The following PCDH15 variants were observed in gnomAD, a reference collection of about 807,000 sequenced individuals.
PCDH15 encodes the protein protocadherin-15.
In PCDH15, 129 loss-of-function variants were observed where a neutral mutation model predicts 178.5. The observed-to-expected ratio is 0.72, with a 90% CI of 0.63 to 0.84. PCDH15 has a LOEUF of 0.84. Ranked by LOEUF, PCDH15 falls within the 40% of genes least tolerant of loss-of-function variation. The pLI is 0.00. For synonymous variants in PCDH15, 800 were observed against 732.0 expected, an observed-to-expected ratio of 1.09 and a Z score of -1.50; for missense variants, 2,230 against 2,099.9, an observed-to-expected ratio of 1.06 and a Z score of -1.21.
At chr10:54,042,279 A>G (rs146824204) in intron 18 of PCDH15, among the ~76,000 whole-genome samples, 57 of 152,224 alleles carry the variant, frequency 3.7e-4, no homozygotes, top group African/African-American at 7.7e-4. Flanking sequence ...TATGGATTAG[A>G]TCATTTGCCC....
chr10:55,383,028 G>C (rs1448518560), intron 2 of PCDH15, among the ~76,000 whole-genome samples: 2 of 152,104 alleles, frequency 1.3e-5, no homozygotes, highest in Non-Finnish European at 2.9e-5. Flanking sequence ...CTATCCTGTT[G>C]GTACCAGGTT....
Position 54,421,883 on chromosome 10 carries a change from T to C in PCDH15, c.158-42941A>G, listed in dbSNP as rs112355172. Among the ~76,000 whole-genome samples, 10 of 104,170 alleles carry C rather than the reference T, an allele frequency of 9.6e-5. 1 individual carries two copies. The highest frequency in any genetic ancestry group is 4.3e-4 in the East Asian group (2 of 4,606). 68.3% of individuals were successfully genotyped at this position (104,170 alleles called of 152,430 possible). ...TATATACACACACTATATATATATA[T>C]ACACACACACACTATATATATATAT... On this transcript the variant is annotated intron_variant, in intron 3 of 37. Coordinates refer to ENST00000644397, the MANE Select transcript of PCDH15 (RefSeq NM_001384140.1).
intron 23 of PCDH15, among the ~76,000 whole-genome samples, chr10:53,948,138 G>A (rs1440847966): frequency 6.6e-6 from 1 of 151,994 alleles, no homozygotes; most frequent in Non-Finnish European, 1.5e-5. Flanking sequence ...ACTTACAACG[G>A]GGTTAGGTCC....
intron 2 of PCDH15, among the ~76,000 whole-genome samples, chr10:55,019,129 C>A (rs767602698): frequency 6.6e-6 from 1 of 152,032 alleles, no homozygotes; most frequent in Non-Finnish European, 1.5e-5. Flanking sequence ...ATCACTGACA[C>A]GAAGTCATGA....
intron 3 of PCDH15, among the ~76,000 whole-genome samples, chr10:54,877,837 T>C: frequency 6.6e-6 from 1 of 151,700 alleles, no homozygotes; most frequent in Non-Finnish European, 1.5e-5. Flanking sequence ...CTAAGCATTA[T>C]ATAAGAAGCA....
chr10:55,327,855 C>T (rs1198357689), intron 2 of PCDH15, among the ~76,000 whole-genome samples: 1 of 151,964 alleles, frequency 6.6e-6, no homozygotes, highest in East Asian at 1.9e-4. Flanking sequence ...TTAACCCTCT[C>T]CCTCTACAGT....
chr10:54,112,297 G>A (rs1056401773), intron 15 of PCDH15, among the ~76,000 whole-genome samples: 43 of 152,174 alleles, frequency 2.8e-4, no homozygotes, highest in African/African-American at 9.9e-4. Context: ...TGTGCATTTA[G>A]GGTGTTCAGT....
At chr10:54,309,315 G>A (rs1437799966) in intron 8 of PCDH15, among the ~76,000 whole-genome samples, 6 of 101,930 alleles carry the variant, frequency 5.9e-5, no homozygotes, top group South Asian at 7.0e-4. Context: ...ATATATATAC[G>A]TACATACACA....
At chr10:54,024,889 CTCA>C (rs1165506391) in intron 18 of PCDH15, among the ~76,000 whole-genome samples, 1 of 151,990 alleles carries the variant, frequency 6.6e-6, no homozygotes, top group African/African-American at 2.4e-5. Flanking sequence ...TCTGAAATTA[CTCA>C]TCAAGTAAAT....
In PCDH15 at chr10:54,020,314, A is replaced by T; in HGVS notation, c.2629T>A (p.Leu877Ile). Residue 877 changes from leucine (L) to isoleucine (I), a missense_variant, in exon 20 of 38, where the codon TTA (leucine) becomes ATA (isoleucine). Transcript: ENST00000644397. ...LHPFTGELSL[L>I]RSLDYEAFPD... Reference sequence around the variant, plus strand: ...AATGCCTCATAATCTAAACTCCTTAAAAGCGATAGTTCTCCTGTAAATGGA... The same window carrying T: ...AATGCCTCATAATCTAAACTCCTTATAAGCGATAGTTCTCCTGTAAATGGA... 1 of 1,613,856 alleles carries T rather than the reference A, an allele frequency of 6.2e-7. No homozygotes were observed. Among genetic ancestry groups the T allele is most frequent in the Non-Finnish European group, 8.5e-7 (1 of 1,179,820 alleles).
At position 54,527,821 on chromosome 10, in the gene PCDH15, T is replaced by C; in HGVS notation, c.148A>G (p.Ser50Gly). 6.2e-7 allele frequency: 1 copy of C among 1,610,102 alleles called. No homozygotes were observed. Among genetic ancestry groups the C allele is most frequent in the Non-Finnish European group, 8.5e-7 (1 of 1,177,352 alleles). ...TAAAAAACTCACTTACCATTCCGACTTTCTTCATCAATAGCAACTATGGTA... is the reference window on the plus strand; with the variant it reads ...TAAAAAACTCACTTACCATTCCGACCTTCTTCATCAATAGCAACTATGGTA... ...PATIVAIDEE[S>G]RNGTILVDNM... The change falls in exon 3 of 38, where the codon AGT (serine) becomes GGT (glycine). Residue 50 changes from serine (S) to glycine (G), a missense_variant. Ser to Gly is a moderately conservative substitution (Grantham distance 56). Transcript: ENST00000644397.
intron 13 of PCDH15, among the ~76,000 whole-genome samples, chr10:54,157,551 C>T (rs1038333844): frequency 2.6e-5 from 4 of 152,204 alleles, no homozygotes; most frequent in South Asian, 4.1e-4. Context: ...GCCTCTGGGC[C>T]TGTGATGAGA....
intron 2 of PCDH15, among the ~76,000 whole-genome samples, chr10:55,374,372 C>G (rs1845573712): frequency 1.3e-5 from 2 of 152,114 alleles, no homozygotes; most frequent in Middle Eastern, 3.2e-3. Context: ...TGATCTTGCT[C>G]TGTTTTTTCT....
intron 3 of PCDH15, among the ~76,000 whole-genome samples, chr10:54,835,484 G>A (rs1008884813): frequency 6.6e-6 from 1 of 151,622 alleles, no homozygotes; most frequent in African/African-American, 2.4e-5. Context: ...ATTTCCATAA[G>A]TATACACATA....
chr10:53,813,712 A>G (rs2075959769), intron 35 of PCDH15, among the ~76,000 whole-genome samples: 2 of 152,224 alleles, frequency 1.3e-5, no homozygotes, highest in South Asian at 2.1e-4. Context: ...ACGCTACCAC[A>G]TCGCACAACA....
intron 2 of PCDH15, among the ~76,000 whole-genome samples, chr10:55,537,341 A>C (rs1841601242): frequency 6.6e-6 from 1 of 152,070 alleles, no homozygotes; most frequent in South Asian, 2.1e-4. Flanking sequence ...GCTACATTTC[A>C]TTCTATATAG....
chr10:54,303,122 G>T (rs912204064), intron 8 of PCDH15, among the ~76,000 whole-genome samples: 3 of 152,008 alleles, frequency 2.0e-5, no homozygotes, highest in African/African-American at 4.8e-5. Context: ...TTTAAGAATT[G>T]GTACAGTTCT....
intron 8 of PCDH15, among the ~76,000 whole-genome samples, chr10:54,244,521 CAA>C (rs2055726900): frequency 6.6e-6 from 1 of 152,186 alleles, no homozygotes; most frequent in Non-Finnish European, 1.5e-5. Flanking sequence ...GTCCAAGTGA[CAA>C]AGTCTGAAGC....
chr10:55,084,604 A>G (rs1716987677), intron 2 of PCDH15, among the ~76,000 whole-genome samples: 1 of 151,994 alleles, frequency 6.6e-6, no homozygotes, highest in Non-Finnish European at 1.5e-5. Context: ...AAGCTCCTGT[A>G]CAGCAAAGTA....
Sources: gnomAD v4.1 joint callset for allele counts (sites outside exome capture counted in the v4.1 genomes callset) on GRCh38, gnomAD v4.1.1 for gene constraint, MANE v1.5 for transcripts, NCBI Gene and HGNC (gene_info 2026-07-23, HGNC 2026-07-21) for gene names.